The following CREB5 variants were observed in gnomAD, a reference collection of about 807,000 sequenced individuals.
CREB5 encodes cyclic AMP-responsive element-binding protein 5.
A neutral mutation model predicts 57.1 loss-of-function variants in CREB5; 19 were observed. That is an observed-to-expected ratio of 0.33 (90% CI 0.23 to 0.49). The LOEUF (loss-of-function observed/expected upper bound fraction) is 0.49. Among genes scored for constraint, CREB5 ranks in the 20% least tolerant of loss-of-function variants. The pLI is 0.99. For synonymous variants in CREB5, 238 were observed against 238.3 expected (o/e 1.00, Z 0.01); for missense variants, 579 against 671.6 (o/e 0.86, Z 1.52).
intron 5 of CREB5, among the ~76,000 whole-genome samples, chr7:28,638,738 T>A (rs989851997): frequency 6.6e-6 from 1 of 152,204 alleles, no homozygotes; most frequent in Non-Finnish European, 1.5e-5. Context: ...ACACTCCACA[T>A]AATGTTTAGA....
rs191640007 is a variant in CREB5 at position 28,560,247 on chromosome 7, G to A, written c.292-10118G>A. On this transcript the variant is annotated intron_variant, in intron 4 of 10. Coordinates refer to ENST00000357727, the MANE Select transcript of CREB5 (RefSeq NM_182898.4). The stretch of plus-strand genomic sequence containing the variant: ...AAGGAGAGGAAATTCTAGGCCTGGG[G>A]CATGTACAGGCAAAGGTATGAAGGT... Among the ~76,000 whole-genome samples the A allele has an allele frequency of 2.6e-5, 4 of 152,310 alleles. No homozygotes were observed. The East Asian group carries it at 7.7e-4, about 29-fold the overall frequency.
chr7:28,711,199 G>C (rs1802383550), intron 5 of CREB5, among the ~76,000 whole-genome samples: 1 of 152,112 alleles, frequency 6.6e-6, no homozygotes, highest in South Asian at 2.1e-4. Context: ...GACAGGAGAG[G>C]GGCTAGGGAA....
intron 5 of CREB5, among the ~76,000 whole-genome samples, chr7:28,614,326 G>A (rs1032744433): frequency 6.6e-5 from 10 of 152,298 alleles, no homozygotes; most frequent in African/African-American, 2.4e-4. Flanking sequence ...TGATCTTTTG[G>A]TTATGGGATG....
chr7:28,711,175 A>G (rs536265721), intron 5 of CREB5, among the ~76,000 whole-genome samples: 1 of 152,302 alleles, frequency 6.6e-6, no homozygotes, highest in African/African-American at 2.4e-5. Context: ...GCTGTTTGAC[A>G]GTGACAGTTT....
At chr7:28,646,879 C>A (rs1265120328) in intron 5 of CREB5, among the ~76,000 whole-genome samples, 3 of 151,836 alleles carry the variant, frequency 2.0e-5, no homozygotes, top group Non-Finnish European at 4.4e-5. Flanking sequence ...ACCAGTACAA[C>A]AACAGGAGCA....
intron 1 of CREB5, among the ~76,000 whole-genome samples, chr7:28,324,599 G>A (rs568366919): frequency 3.0e-4 from 45 of 152,166 alleles, no homozygotes; most frequent in Admixed American, 1.2e-3. Context: ...TTTGGAGCAC[G>A]TTCCTGAGCC....
At chr7:28,369,588 A>G (rs1583402945) in intron 1 of CREB5, among the ~76,000 whole-genome samples, 3 of 152,220 alleles carry the variant, frequency 2.0e-5, no homozygotes, top group Admixed American at 2.0e-4. Flanking sequence ...TAGGCATTCA[A>G]CTAACCGTAG....
chr7:28,528,436 G>A (rs1793543378), intron 4 of CREB5, among the ~76,000 whole-genome samples: 1 of 152,212 alleles, frequency 6.6e-6, no homozygotes. Context: ...TGGGTGCAGT[G>A]GCTCACGCCT....
chr7:28,543,729 A>G (rs1794305440), intron 4 of CREB5, among the ~76,000 whole-genome samples: 1 of 151,994 alleles, frequency 6.6e-6, no homozygotes, highest in Non-Finnish European at 1.5e-5. Context: ...ATTCTTTTTC[A>G]TGCTCTGTGT....
At chr7:28,629,071 A>G (rs1308360380) in intron 5 of CREB5, among the ~76,000 whole-genome samples, 1 of 152,198 alleles carries the variant, frequency 6.6e-6, no homozygotes, top group African/African-American at 2.4e-5. Context: ...CACCTGTGTC[A>G]TCTTGGACCA....
At chr7:28,677,670 AAC>A (rs1221762716) in intron 5 of CREB5, among the ~76,000 whole-genome samples, 5 of 152,200 alleles carry the variant, frequency 3.3e-5, no homozygotes, top group Non-Finnish European at 5.9e-5. Flanking sequence ...AGTATATTCT[AAC>A]ACCAGCTTAA....
chr7:28,821,947 T>A lies in CREB5; in HGVS notation c.*2668T>A, dbSNP rs1002303108. 3.9e-5 allele frequency: 6 copies of A among 152,680 alleles called. No homozygotes were observed. The highest frequency in any genetic ancestry group is 1.4e-4 in the African/African-American group (6 of 41,472). The allele number at this position is 152,680 out of a possible 1,614,324, so 9.5% of individuals were successfully genotyped here. A position where few individuals can be genotyped will look rare whatever the true frequency, so the allele number is the denominator to read the frequency against. ...GTCCAGGGAGTGACTGTCACTACAA[T>A]GATGGTTTAGTTTACTTCTGTTCCA... On this transcript the variant is annotated 3_prime_UTR_variant, in exon 11 of 11. Transcript: ENST00000357727.
intron 4 of CREB5, among the ~76,000 whole-genome samples, chr7:28,551,779 A>G (rs1250631696): frequency 6.6e-6 from 1 of 152,052 alleles, no homozygotes; most frequent in East Asian, 1.9e-4. Flanking sequence ...AAACCTGCGT[A>G]GGACCTTTGG....
intron 1 of CREB5, among the ~76,000 whole-genome samples, chr7:28,414,781 G>A (rs1171143336): frequency 1.3e-5 from 2 of 151,792 alleles, no homozygotes; most frequent in Non-Finnish European, 2.9e-5. Flanking sequence ...ATTTAACATA[G>A]GAATTTTTTT....
At chr7:28,617,241 A>G (rs770831687) in intron 5 of CREB5, among the ~76,000 whole-genome samples, 4 of 152,218 alleles carry the variant, frequency 2.6e-5, no homozygotes, top group Non-Finnish European at 5.9e-5. Context: ...TGTTTATATG[A>G]TAATGTTGAT....
chr7:28,770,890 A>G (rs887805405), intron 7 of CREB5, among the ~76,000 whole-genome samples: 5 of 152,240 alleles, frequency 3.3e-5, no homozygotes, highest in African/African-American at 1.2e-4. Context: ...AACAGTACTC[A>G]AGGTATACTT....
At chr7:28,332,465 C>T (rs543534567) in intron 1 of CREB5, among the ~76,000 whole-genome samples, 2 of 152,254 alleles carry the variant, frequency 1.3e-5, no homozygotes, top group East Asian at 3.9e-4. Flanking sequence ...ATAGTAGACG[C>T]TCAGGTTACG....
At chr7:28,781,578 C>T (rs764795410) in intron 7 of CREB5, among the ~76,000 whole-genome samples, 26 of 152,142 alleles carry the variant, frequency 1.7e-4, no homozygotes, top group Admixed American at 4.6e-4. Flanking sequence ...GCATTTCCTA[C>T]CAAAGTTGAG....
At chr7:28,466,731 C>T (rs974750140) in intron 1 of CREB5, among the ~76,000 whole-genome samples, 1 of 152,182 alleles carries the variant, frequency 6.6e-6, no homozygotes, top group East Asian at 1.9e-4. Flanking sequence ...GACGACATCT[C>T]TCCGGTGTGT....
Sources: gnomAD v4.1 joint callset for allele counts (sites outside exome capture counted in the v4.1 genomes callset) on GRCh38, gnomAD v4.1.1 for gene constraint, MANE v1.5 for transcripts, NCBI Gene and HGNC (gene_info 2026-07-23, HGNC 2026-07-21) for gene names.